Variants in INSC observed in about 807,000 individuals in gnomAD.
INSC encodes INSC spindle orientation adaptor protein.
A neutral mutation model predicts 58.6 loss-of-function variants in INSC; 67 were observed. The observed-to-expected ratio is 1.14, with a 90% confidence interval of 0.94 to 1.40. INSC has a LOEUF of 1.40. Among genes scored for constraint, INSC ranks in the 40% most tolerant of loss-of-function variants. The pLI, the probability that INSC is intolerant of heterozygous loss-of-function variation, is 0.00. For missense variants in INSC, 714 were observed against 692.0 expected (o/e 1.03, Z -0.36); for synonymous variants, 262 against 276.1 (o/e 0.95, Z 0.51).
chr11:15,137,981 T>C lies in INSC; in HGVS notation c.-45-11149T>C, dbSNP rs544533531. Among the ~76,000 whole-genome samples the C allele has an allele frequency of 2.6e-4, 39 of 152,338 alleles. 1 individual carries two copies. The South Asian group carries it at 7.7e-3, about 30-fold the overall frequency. ...ATTTAAAGTGAAAGATGTGTGACTC[T>C]TCCTTTCACTTGAACATTTAGAGGG... On this transcript the variant is annotated intron_variant, in intron 1 of 12. Coordinates refer to ENST00000379556, the MANE Select transcript of INSC (RefSeq NM_001042536.3).
At chr11:15,171,826 T>G (rs1849410892) in intron 2 of INSC, among the ~76,000 whole-genome samples, 1 of 152,260 alleles carries the variant, frequency 6.6e-6, no homozygotes, top group East Asian at 1.9e-4. Flanking sequence ...ACATGTCCCA[T>G]GTACAATAAT....
At chr11:15,147,380 C>G (rs1848519704) in intron 1 of INSC, among the ~76,000 whole-genome samples, 1 of 152,184 alleles carries the variant, frequency 6.6e-6, no homozygotes, top group Non-Finnish European at 1.5e-5. Context: ...CTGCATCTCC[C>G]TTAGCATAGC....
At chr11:15,229,958 ATTT>A (rs1221041917) in intron 9 of INSC, among the ~76,000 whole-genome samples, 13 of 32,220 alleles carry the variant, frequency 4.0e-4, no homozygotes, top group African/African-American at 1.4e-3. Flanking sequence ...TTATATATAT[ATTT>A]ATATATATAT....
At chr11:15,115,665 G>A (rs967447974) in intron 1 of INSC, among the ~76,000 whole-genome samples, 1 of 152,134 alleles carries the variant, frequency 6.6e-6, no homozygotes, top group Non-Finnish European at 1.5e-5. Context: ...GGAGGCCAGG[G>A]GATGAGTGGA....
intron 5 of INSC, among the ~76,000 whole-genome samples, chr11:15,179,734 A>G (rs1849695441): frequency 6.6e-6 from 1 of 152,252 alleles, no homozygotes; most frequent in Admixed American, 6.5e-5. Context: ...GCCAGTGCTG[A>G]CAATCACATG....
At chr11:15,268,686 T>G in the INSC span, among the ~76,000 whole-genome samples, 2 of 152,086 alleles carry the variant, frequency 1.3e-5, no homozygotes, top group Admixed American at 6.6e-5. Flanking sequence ...ATTAAGTACT[T>G]TAAGCCCCAT....
In INSC at chr11:15,149,160, C is replaced by T. The variant is rs1454642791; in HGVS notation, c.-15C>T. 1 of 1,611,248 alleles carries T rather than the reference C, an allele frequency of 6.2e-7. No individual in the cohort carries two copies. The highest frequency in any genetic ancestry group is 1.1e-5 in the South Asian group (1 of 90,712). The stretch of plus-strand genomic sequence containing the variant: ...CGACCGCTGCAAGCAGGCTTTGCTG[C>T]AGATTGGGATCAACATGATGGCACT... On this transcript the variant is annotated 5_prime_UTR_variant, in exon 2 of 13. Transcript: ENST00000379556.
intron 1 of INSC, among the ~76,000 whole-genome samples, chr11:15,142,799 T>C (rs757155408): frequency 6.6e-6 from 1 of 152,086 alleles, no homozygotes; most frequent in Non-Finnish European, 1.5e-5. Flanking sequence ...CACTTTCTTT[T>C]TTTTTTTGTT....
chr11:15,171,085 G>T (rs775751687), intron 2 of INSC, among the ~76,000 whole-genome samples: 2 of 152,194 alleles, frequency 1.3e-5, no homozygotes, highest in Non-Finnish European at 2.9e-5. Flanking sequence ...ACAAAAATGT[G>T]AGTTGTGGAT....
chr11:15,165,708 G>A (rs556109908), intron 2 of INSC, among the ~76,000 whole-genome samples: 1 of 152,282 alleles, frequency 6.6e-6, no homozygotes, highest in African/African-American at 2.4e-5. Flanking sequence ...GATGTCCTGT[G>A]GAGTCCAGAG....
At chr11:15,191,899 G>C (rs1238228200) in intron 6 of INSC, among the ~76,000 whole-genome samples, 1 of 152,118 alleles carries the variant, frequency 6.6e-6, no homozygotes, top group Non-Finnish European at 1.5e-5. Context: ...CAAAGATATT[G>C]GCCAGTGTTC....
rs1235746194 is a variant in INSC at position 15,175,816 on chromosome 11, G to T, written c.132G>T (p.Met44Ile). Residue 44 changes from methionine (M) to isoleucine (I), a missense_variant, in exon 3 of 13, where the codon ATG becomes ATT. Transcript: ENST00000379556. ...AGCTCATGACCGAGTGCGAGTGCAT[G>T]TGTGTCCTGCAGGCCAAGCCCATCA... ...DLKLMTECEC[M>I]CVLQAKPISL... The T allele has an allele frequency of 6.2e-7, 1 of 1,610,120 alleles. No individual in the cohort carries two copies. Among genetic ancestry groups the T allele is most frequent in the East Asian group, 2.2e-5 (1 of 44,724 alleles).
At chr11:15,259,415 AG>A in the INSC span, among the ~76,000 whole-genome samples, 1 of 152,220 alleles carries the variant, frequency 6.6e-6, no homozygotes, top group Non-Finnish European at 1.5e-5. Flanking sequence ...ATAATAATAG[AG>A]TTAAATATTT....
chr11:15,234,863 G>C (rs1489749977), intron 9 of INSC, among the ~76,000 whole-genome samples: 1 of 152,100 alleles, frequency 6.6e-6, no homozygotes. Flanking sequence ...AATCCAGTTT[G>C]TGCTGTGAGT....
intron 2 of INSC, among the ~76,000 whole-genome samples, chr11:15,156,955 C>T (rs1251805215): frequency 6.6e-6 from 1 of 152,170 alleles, no homozygotes; most frequent in Non-Finnish European, 1.5e-5. Context: ...ACTTACCTGG[C>T]CTATAACCTG....
chr11:15,182,438 G>A (rs993786399), intron 5 of INSC, among the ~76,000 whole-genome samples: 38 of 152,176 alleles, frequency 2.5e-4, no homozygotes, highest in African/African-American at 8.4e-4. Context: ...TCCACCACAG[G>A]TTAATTGTGG....
chr11:15,255,926 A>G, the INSC span, among the ~76,000 whole-genome samples: 1 of 152,190 alleles, frequency 6.6e-6, no homozygotes, highest in African/African-American at 2.4e-5. Context: ...CAGTTTGCCT[A>G]TGTGGTTAAC....
At chr11:15,198,436 T>G (rs1850450571) in intron 6 of INSC, among the ~76,000 whole-genome samples, 1 of 152,064 alleles carries the variant, frequency 6.6e-6, no homozygotes, top group Admixed American at 6.5e-5. Context: ...TGCAGAGGCT[T>G]AAATATAGTT....
the INSC span, among the ~76,000 whole-genome samples, chr11:15,261,971 G>C: frequency 1.3e-5 from 2 of 152,078 alleles, no homozygotes; most frequent in African/African-American, 4.8e-5. Context: ...GGGAACAGTG[G>C]AACTGGACCT....
Sources: gnomAD v4.1 joint callset for allele counts (sites outside exome capture counted in the v4.1 genomes callset) on GRCh38, gnomAD v4.1.1 for gene constraint, MANE v1.5 for transcripts, NCBI Gene and HGNC (gene_info 2026-07-23, HGNC 2026-07-21) for gene names.